The following NTHL1 variants were observed in gnomAD, a reference collection of about 807,000 sequenced individuals.
The protein encoded by NTHL1 is endonuclease III-like protein 1.
In NTHL1, 32 loss-of-function variants were observed where a neutral mutation model predicts 32.3. That is an observed-to-expected ratio of 0.99 (90% CI 0.75 to 1.33). NTHL1 has a LOEUF of 1.33. Ranked by LOEUF, NTHL1 falls within the 40% of genes most tolerant of loss-of-function variation. The pLI, the probability that NTHL1 is intolerant of heterozygous loss-of-function variation, is 0.00. For synonymous variants in NTHL1, 188 were observed against 176.9 expected (o/e 1.06, Z -0.50); for missense variants, 501 against 414.1 (o/e 1.21, Z -1.82).
At chr16:2,041,482 C>G (rs997023637) in intron 4 of NTHL1, among the ~76,000 whole-genome samples, 1 of 151,980 alleles carries the variant, frequency 6.6e-6, no homozygotes, top group African/African-American at 2.4e-5. Flanking sequence ...CTCTGTCACC[C>G]AGGCTGGATA....
rs907324968 is a variant in NTHL1 at position 2,043,206 on chromosome 16, C to A, written c.685+361G>T. ...TCAGGTGAAGGATGACCTTGGGGGCCTTCCCAGAGGCCCTGGGCCCAAGCC... is the reference window on the plus strand; with the variant it reads ...TCAGGTGAAGGATGACCTTGGGGGCATTCCCAGAGGCCCTGGGCCCAAGCC... On this transcript the variant is annotated intron_variant, in intron 4 of 5. Coordinates refer to ENST00000651570, the MANE Select transcript of NTHL1 (RefSeq NM_002528.7). The surrounding 1 kb of genome is among the most constrained non-coding windows in gnomAD (Gnocchi z 4.4). 5.3e-5 allele frequency among the ~76,000 whole-genome samples: 8 copies of A among 151,694 alleles called. No individual in the cohort carries two copies. Among genetic ancestry groups the A allele is most frequent in the Non-Finnish European group, 1.2e-4 (8 of 67,914 alleles).
In NTHL1 at chr16:2,043,018, C is replaced by T. The variant is rs2084290604; in HGVS notation, c.685+549G>A. ...CACCTGCTGAGGGGATACTCTTCCTCCTCCCTCCTCAGTCCTTACCTCCCC... is the reference window on the plus strand; with the variant it reads ...CACCTGCTGAGGGGATACTCTTCCTTCTCCCTCCTCAGTCCTTACCTCCCC... On this transcript the variant is annotated intron_variant, in intron 4 of 5. Coordinates refer to ENST00000651570, the MANE Select transcript of NTHL1 (RefSeq NM_002528.7). This position sits in a 1 kb window ranked among gnomAD's most constrained non-coding sequence, Gnocchi z 4.4. Among the ~76,000 whole-genome samples the T allele has an allele frequency of 7.4e-6, 1 of 134,820 alleles. No individual in the cohort carries two copies. The highest frequency in any genetic ancestry group is 7.6e-5 in the Admixed American group (1 of 13,160). The allele number at this position is 134,820 out of a possible 152,430, so 88.4% of individuals were successfully genotyped here.
At chr16:2,046,054 A>T in intron 2 of NTHL1, 74 bp downstream of exon 2, 2 of 1,346,172 alleles carry the variant, frequency 1.5e-6, no homozygotes, top group South Asian at 1.2e-5. Flanking sequence ...GCCAGCCAAA[A>T]GCCACCGGGT....
intron 1 of NTHL1, chr16:2,047,228 T>A (rs1223654105): frequency 5.3e-6 from 1 of 189,082 alleles, no homozygotes; most frequent in Admixed American, 5.9e-5. Flanking sequence ...CACTGCTCAC[T>A]GCAGTGCTTG....
chr16:2,040,032 C>T lies in NTHL1; in HGVS notation c.807G>A (p.Glu269=), dbSNP rs1426153929. ...EEWLPRELWH[E]INGLLVGFGQ... The stretch of plus-strand genomic sequence containing the variant: ...CGAAGCCCACCAAGAGTCCATTGAT[C>T]TCGTGCCACAGCTCCCTGTGGGGGT... The change falls in exon 6 of 6, where the codon GAG becomes GAA. Residue 269 remains glutamate (E), a synonymous_variant. Transcript: ENST00000651570. 1 of 1,612,210 alleles carries T rather than the reference C, an allele frequency of 6.2e-7. No individual in the cohort carries two copies. Among genetic ancestry groups the T allele is most frequent in the Admixed American group, 1.7e-5 (1 of 59,998 alleles).
intron 4 of NTHL1, among the ~76,000 whole-genome samples, chr16:2,042,821 T>C: frequency 2.9e-5 from 1 of 33,928 alleles, no homozygotes; most frequent in Non-Finnish European, 5.5e-5. Flanking sequence ...CCCTCCCCTC[T>C]TCTCCCCGCA....
intron 4 of NTHL1, among the ~76,000 whole-genome samples, chr16:2,040,765 C>T (rs10163224): frequency 1.3e-5 from 2 of 152,216 alleles, no homozygotes; most frequent in African/African-American, 2.4e-5. Flanking sequence ...TCCCCAGGAA[C>T]GTGGCCCTGT....
In NTHL1 at chr16:2,040,160, C is replaced by T. The variant is rs756036462; in HGVS notation, c.764G>A (p.Arg255His). 26 of 1,613,840 alleles carry T rather than the reference C, an allele frequency of 1.6e-5. No homozygotes were observed. The Admixed American group carries it at 2.3e-4, about 14-fold the overall frequency. ...AGGCAGCCACTCCTCCAGGGCGGCG[C>T]GGGTCTCCTCTGGGGACTTGGTTGC... ...KKATKSPEET[R>H]AALEEWLPRE... Residue 255 changes from arginine (R) to histidine (H), a missense_variant, in exon 5 of 6, where the codon CGC becomes CAC. Transcript: ENST00000651570.
chr16:2,044,011 A>G lies in NTHL1; in HGVS notation c.526-285T>C. The G allele has an allele frequency of 2.0e-6, 1 of 490,808 alleles. No homozygotes were observed. The highest frequency in any genetic ancestry group is 3.7e-6 in the Non-Finnish European group (1 of 266,862). 30.4% of individuals were successfully genotyped at this position (490,808 alleles called of 1,614,324 possible). On this transcript the variant is annotated intron_variant, in intron 3 of 5. Transcript: ENST00000651570. The surrounding 1 kb of genome is among the most constrained non-coding windows in gnomAD (Gnocchi z 5.0). ...CCCTGCCAGCACCCAGGCCAGGCCAAGCAGGCCAGCCGCTCCCAGGAGTGG... is the reference window on the plus strand; with the variant it reads ...CCCTGCCAGCACCCAGGCCAGGCCAGGCAGGCCAGCCGCTCCCAGGAGTGG...
Position 2,043,029 on chromosome 16 carries a change from A to G in NTHL1, c.685+538T>C, listed in dbSNP as rs1481688704. On this transcript the variant is annotated intron_variant, in intron 4 of 5. Coordinates refer to ENST00000651570, the MANE Select transcript of NTHL1 (RefSeq NM_002528.7). The surrounding 1 kb of genome is among the most constrained non-coding windows in gnomAD (Gnocchi z 4.4). The stretch of plus-strand genomic sequence containing the variant: ...GGGATACTCTTCCTCCTCCCTCCTC[A>G]GTCCTTACCTCCCCACTCTGCCCTC... Among the ~76,000 whole-genome samples, 1 of 121,606 alleles carries G rather than the reference A, an allele frequency of 8.2e-6. No individual in the cohort carries two copies. The highest frequency in any genetic ancestry group is 1.7e-5 in the Non-Finnish European group (1 of 59,250). 79.8% of individuals were successfully genotyped at this position (121,606 alleles called of 152,430 possible).
rs1022914690 is a variant in NTHL1 at position 2,040,153 on chromosome 16, G to A, written c.771C>T (p.Ala257=). 2 of 1,613,944 alleles carry A rather than the reference G, an allele frequency of 1.2e-6. No homozygotes were observed. Among genetic ancestry groups the A allele is most frequent in the Non-Finnish European group, 1.7e-6 (2 of 1,180,022 alleles). The change falls in exon 5 of 6, where the codon GCC becomes GCT. Residue 257 remains alanine (A), a synonymous_variant. Coordinates refer to ENST00000651570, the MANE Select transcript of NTHL1 (RefSeq NM_002528.7). ...ATKSPEETRA[A]LEEWLPRELW... is the part of the protein sequence containing the mutation. Reference sequence around the variant, plus strand: ...CATACCTAGGCAGCCACTCCTCCAGGGCGGCGCGGGTCTCCTCTGGGGACT... The same window carrying A: ...CATACCTAGGCAGCCACTCCTCCAGAGCGGCGCGGGTCTCCTCTGGGGACT...
rs1205886934 is a variant in NTHL1 at position 2,042,212 on chromosome 16, C to T, written c.685+1355G>A. The T allele has an allele frequency of 1.5e-5, 6 of 411,184 alleles. No homozygotes were observed. The East Asian group carries it at 2.9e-4, about 20-fold the overall frequency. The allele number at this position is 411,184 out of a possible 1,614,324, so 25.5% of individuals were successfully genotyped here. On this transcript the variant is annotated intron_variant, in intron 4 of 5. Transcript: ENST00000651570. ...CGCTGCTCCCAAAGCCCGTTCCCTGCCTGGCTGCGGGCAGGGACCTTCCCC... is the reference window on the plus strand; with the variant it reads ...CGCTGCTCCCAAAGCCCGTTCCCTGTCTGGCTGCGGGCAGGGACCTTCCCC...
chr16:2,045,745 C>T (rs2084340517), intron 2 of NTHL1, among the ~76,000 whole-genome samples: 1 of 152,132 alleles, frequency 6.6e-6, no homozygotes, highest in African/African-American at 2.4e-5. Flanking sequence ...CCCATACTAC[C>T]CATTTTACAG....
At chr16:2,041,932 T>C in intron 4 of NTHL1, 1 of 415,790 alleles carries the variant, frequency 2.4e-6, no homozygotes, top group Non-Finnish European at 4.8e-6. Context: ...TTTGTATTTT[T>C]AGTAGAGAGC....
chr16:2,047,540 G>C, intron 1 of NTHL1, 169 bp downstream of exon 1: 1 of 1,172,626 alleles, frequency 8.5e-7, no homozygotes, highest in Non-Finnish European at 1.2e-6. Context: ...CGCAATCTTT[G>C]GGAAAAAGGC....
chr16:2,042,630 C>G (rs2084283706), intron 4 of NTHL1, among the ~76,000 whole-genome samples: 2 of 152,104 alleles, frequency 1.3e-5, no homozygotes, highest in Admixed American at 6.5e-5. Context: ...CTTAGGAGCC[C>G]CAAATCCTCT....
intron 2 of NTHL1, among the ~76,000 whole-genome samples, chr16:2,045,310 C>G (rs2084329865): frequency 1.3e-5 from 2 of 152,076 alleles, no homozygotes; most frequent in Non-Finnish European, 2.9e-5. Context: ...GCACTCCAGC[C>G]TGGGCAACAA....
At chr16:2,045,049 G>C (rs1296721552) in intron 2 of NTHL1, among the ~76,000 whole-genome samples, 1 of 152,198 alleles carries the variant, frequency 6.6e-6, no homozygotes, top group Admixed American at 6.5e-5. Flanking sequence ...GCTTAGAATC[G>C]TATGTGGCCG....
rs2150947604 is a variant in NTHL1, at chr16:2,046,347, G to A, written c.135C>T (p.Ser45=). Residue 45 remains serine (S), a synonymous_variant, in exon 2 of 6, where the codon AGC becomes AGT. Coordinates refer to ENST00000651570, the MANE Select transcript of NTHL1 (RefSeq NM_002528.7). ...GTGCTTTCCGCGGACGCTTCACGGG[G>A]CTGTGGCTTTTCCTCGCTTCTGCAA... ...EAAAEARKSH[S]PVKRPRKAQR... is the part of the protein sequence containing the mutation. The A allele has an allele frequency of 6.2e-7, 1 of 1,606,552 alleles. No homozygotes were observed. The highest frequency in any genetic ancestry group is 8.5e-7 in the Non-Finnish European group (1 of 1,174,908).
Sources: allele counts gnomAD v4.1 joint callset (sites outside exome capture counted in the v4.1 genomes callset), GRCh38; gene constraint gnomAD v4.1.1; non-coding constraint Gnocchi (gnomAD v3.1); transcripts MANE v1.5; gene names NCBI Gene and HGNC (gene_info 2026-07-23, HGNC 2026-07-21).